Variants in B3GALT1 observed in about 807,000 individuals in gnomAD.
The protein encoded by B3GALT1 is beta-1,3-galactosyltransferase 1, also known as UDP-Gal:betaGlcNAc beta 1,3-galactosyltransferase, polypeptide 1.
Under a neutral mutation model 23.2 loss-of-function variants are expected in B3GALT1, and 10 were observed. The observed-to-expected ratio is 0.43, with a 90% CI of 0.27 to 0.73. The LOEUF is 0.73. B3GALT1 is among the 30% of genes least tolerant of loss of function. The probability of loss-of-function intolerance (pLI) is 0.21; values close to 1 mark genes in which losing one functional copy is unlikely to be tolerated. For missense variants in B3GALT1, 299 were observed against 405.4 expected (o/e 0.74, Z 2.25); for synonymous variants, 156 against 141.5 (o/e 1.10, Z -0.73).
At chr2:167,450,022 A>G (rs986519452) in intron 1 of B3GALT1, among the ~76,000 whole-genome samples, 7 of 152,140 alleles carry the variant, frequency 4.6e-5, no homozygotes, top group African/African-American at 9.7e-5. Flanking sequence ...TTTTGCATCT[A>G]TATTCATCAG....
At chr2:167,528,467 T>G (rs1311991192) in intron 2 of B3GALT1, among the ~76,000 whole-genome samples, 1 of 152,172 alleles carries the variant, frequency 6.6e-6, no homozygotes, top group East Asian at 1.9e-4. Context: ...TAAAGCACTT[T>G]CCATGACTAG....
chr2:167,565,352 C>T (rs1215665167), intron 2 of B3GALT1, among the ~76,000 whole-genome samples: 3 of 152,120 alleles, frequency 2.0e-5, no homozygotes, highest in Non-Finnish European at 2.9e-5. Context: ...ATGCAAAAAT[C>T]AATTCAAGAT....
chr2:167,593,831 G>A (rs758481449), intron 2 of B3GALT1, among the ~76,000 whole-genome samples: 1 of 152,130 alleles, frequency 6.6e-6, no homozygotes, highest in Non-Finnish European at 1.5e-5. Flanking sequence ...TGGATTTAAA[G>A]TAATAGAGAA....
intron 3 of B3GALT1, among the ~76,000 whole-genome samples, chr2:167,666,146 A>G (rs1018257636): frequency 6.6e-6 from 1 of 152,206 alleles, no homozygotes; most frequent in South Asian, 2.1e-4. Flanking sequence ...TCTGGTATGT[A>G]GTGTCTTTGT....
chr2:167,714,308 C>A, intron 3 of B3GALT1: 1 of 1,496,672 alleles, frequency 6.7e-7, no homozygotes, highest in South Asian at 1.1e-5. Context: ...AGAAGGAGCC[C>A]TGTGAGCATC....
intron 1 of B3GALT1, among the ~76,000 whole-genome samples, chr2:167,293,976 G>A (rs377709001): frequency 2.6e-5 from 4 of 152,194 alleles, no homozygotes; most frequent in African/African-American, 9.6e-5. Context: ...GGGGAGTGGC[G>A]ACTTTTAGGT....
chr2:167,469,470 A>ATGGTTTAAG (rs998261225), intron 1 of B3GALT1, among the ~76,000 whole-genome samples: 1 of 152,214 alleles, frequency 6.6e-6, no homozygotes, highest in Admixed American at 6.5e-5. Flanking sequence ...TAAGTTGAAA[A>ATGGTTTAAG]TTAAAATGGT....
At chr2:167,801,751 C>T (rs1574269293) in intron 3 of B3GALT1, among the ~76,000 whole-genome samples, 1 of 152,194 alleles carries the variant, frequency 6.6e-6, no homozygotes. Context: ...TACAACATGA[C>T]AACACTTAAC....
intron 1 of B3GALT1, among the ~76,000 whole-genome samples, chr2:167,382,333 A>T (rs979234523): frequency 1.3e-5 from 2 of 151,786 alleles, no homozygotes; most frequent in Non-Finnish European, 2.9e-5. Context: ...CTGATTTTTT[A>T]AAAAATGAAT....
chr2:167,344,553 A>G (rs1350507424), intron 1 of B3GALT1, among the ~76,000 whole-genome samples: 1 of 152,104 alleles, frequency 6.6e-6, no homozygotes, highest in Non-Finnish European at 1.5e-5. Flanking sequence ...GCAACATGCC[A>G]AGTAGAAAAA....
chr2:167,590,866 A>G (rs558394813), intron 2 of B3GALT1, among the ~76,000 whole-genome samples: 12 of 152,340 alleles, frequency 7.9e-5, no homozygotes, highest in African/African-American at 2.6e-4. Context: ...AAAATGTCCA[A>G]TTGAAAAAGG....
At chr2:167,551,024 GCA>G (rs1464832682) in intron 2 of B3GALT1, among the ~76,000 whole-genome samples, 8,215 of 150,956 alleles carry the variant, frequency 0.054, 663 homozygotes, top group African/African-American at 0.17. Flanking sequence ...TGGATATTCT[GCA>G]CATGAGAAAA....
chr2:167,820,735 G>A (rs934235588), intron 4 of B3GALT1, among the ~76,000 whole-genome samples: 2 of 152,168 alleles, frequency 1.3e-5, no homozygotes, highest in African/African-American at 4.8e-5. Flanking sequence ...ATTATTATTA[G>A]GGGCTTTAAG....
chr2:167,451,149 C>T (rs1307004104), intron 1 of B3GALT1, among the ~76,000 whole-genome samples: 1 of 151,968 alleles, frequency 6.6e-6, no homozygotes, highest in Admixed American at 6.6e-5. Context: ...TCTCTGATCC[C>T]TCCTTGATTA....
intron 3 of B3GALT1, among the ~76,000 whole-genome samples, chr2:167,733,725 T>C (rs1282356600): frequency 6.6e-6 from 1 of 152,156 alleles, no homozygotes; most frequent in African/African-American, 2.4e-5. Context: ...TCCGTAACAG[T>C]GTTCTACTAT....
intron 4 of B3GALT1, among the ~76,000 whole-genome samples, chr2:167,836,431 T>C (rs868205928): frequency 2.3e-4 from 35 of 152,028 alleles, no homozygotes; most frequent in Middle Eastern, 3.4e-3. Context: ...GTATCAGCAA[T>C]GGAAGATGAA....
chr2:167,812,359 A>G (rs145265241), intron 3 of B3GALT1, among the ~76,000 whole-genome samples: 4 of 152,352 alleles, frequency 2.6e-5, no homozygotes, highest in African/African-American at 9.6e-5. Flanking sequence ...TTCCATTTTT[A>G]AAGGCAGAGA....
In B3GALT1 at chr2:167,780,398, G is replaced by A. The variant is rs1227340332; in HGVS notation, c.-351-38274G>A. ...AGAAAAGCATTTTGTACTCTGCAAG[G>A]GCCACTGAAATTCTAAGAACTCACT... On this transcript the variant is annotated intron_variant, in intron 3 of 4. Transcript: ENST00000392690. Among the ~76,000 whole-genome samples the A allele has an allele frequency of 2.0e-5, 3 of 152,060 alleles. No homozygotes were observed. In the East Asian group the frequency reaches 5.8e-4, roughly 29 times the overall value.
chr2:167,561,422 A>C (rs1047475738), intron 2 of B3GALT1, among the ~76,000 whole-genome samples: 1 of 152,156 alleles, frequency 6.6e-6, no homozygotes, highest in African/African-American at 2.4e-5. Context: ...AAACACATTC[A>C]AAAGCTAGCA....
Sources: gnomAD v4.1 joint callset for allele counts (sites outside exome capture counted in the v4.1 genomes callset) on GRCh38, gnomAD v4.1.1 for gene constraint, MANE v1.5 for transcripts, NCBI Gene and HGNC (gene_info 2026-07-23, HGNC 2026-07-21) for gene names.